The following PPP3CB variants were observed in gnomAD, a reference collection of about 807,000 sequenced individuals.
PPP3CB encodes serine/threonine-protein phosphatase 2B catalytic subunit beta isoform.
PPP3CB carries 8 observed loss-of-function variants against 66.4 expected under a neutral mutation model. The observed-to-expected ratio is 0.12, with a 90% CI of 0.07 to 0.22. The LOEUF (loss-of-function observed/expected upper bound fraction) is 0.22. Among genes scored for constraint, PPP3CB ranks in the 10% least tolerant of loss-of-function variants. The pLI is 1.00. For missense variants in PPP3CB, 319 were observed against 642.5 expected (o/e 0.50, Z 5.44); for synonymous variants, 208 against 221.2 (o/e 0.94, Z 0.53).
rs571444778 is a variant in PPP3CB at position 73,438,615 on chromosome 10, C to G, written c.1397-195G>C. On this transcript the variant is annotated intron_variant, in intron 13 of 13. Transcript: ENST00000360663. ...AATGTTTAAACCTAAATATAAACAT[C>G]ATAGCTTTATAGGTGACAAGTGTTA... Among the ~76,000 whole-genome samples, 205 of 152,260 alleles carry G rather than the reference C, an allele frequency of 1.3e-3. 1 individual carries two copies. The highest frequency in any genetic ancestry group is 3.7e-4 in the Non-Finnish European group (25 of 68,018).
At chr10:73,494,373 T>C (rs1384824909) in intron 1 of PPP3CB, among the ~76,000 whole-genome samples, 2 of 152,134 alleles carry the variant, frequency 1.3e-5, no homozygotes, top group Non-Finnish European at 2.9e-5. Flanking sequence ...CTGCAACTTC[T>C]GCCTCTCGGG....
In PPP3CB at chr10:73,471,531, T is replaced by A; in HGVS notation, c.606A>T (p.Gln202His). The A allele has an allele frequency of 6.2e-7, 1 of 1,612,942 alleles. No individual in the cohort carries two copies. Among genetic ancestry groups the A allele is most frequent in the East Asian group, 2.2e-5 (1 of 44,792 alleles). Residue 202 changes from glutamine (Q) to histidine (H), a missense_variant, in exon 5 of 14, where the codon CAA becomes CAT. Transcript: ENST00000360663. ...GTCCACCATGAACACAAAGAAACTG[T>A]TGGTTTAAAAGTGCAGCAAGAGGCA... ...DSLPLAALLN[Q>H]QFLCVHGGLS... is the part of the protein sequence containing the mutation.
chr10:73,487,579 A>C (rs1308972498), intron 1 of PPP3CB, among the ~76,000 whole-genome samples: 4 of 151,160 alleles, frequency 2.6e-5, no homozygotes, highest in Non-Finnish European at 5.9e-5. Context: ...AAAAAAAAAA[A>C]AAAAACAAAC....
chr10:73,456,886 A>G (rs1671425553), intron 9 of PPP3CB, among the ~76,000 whole-genome samples: 1 of 152,196 alleles, frequency 6.6e-6, no homozygotes, highest in African/African-American at 2.4e-5. Flanking sequence ...AAAATACCAT[A>G]TACCATATGA....
intron 12 of PPP3CB, chr10:73,443,966 C>T (rs1353277507): frequency 6.6e-6 from 1 of 152,238 alleles, no homozygotes; most frequent in Non-Finnish European, 1.5e-5. Flanking sequence ...AACCTCAAAA[C>T]AAGGTGCTAC....
intron 13 of PPP3CB, among the ~76,000 whole-genome samples, chr10:73,438,654 A>C (rs1264435501): frequency 2.0e-5 from 3 of 152,154 alleles, no homozygotes; most frequent in African/African-American, 7.2e-5. Context: ...AAGCCTTCCA[A>C]AAAATAAAAA....
intron 9 of PPP3CB, among the ~76,000 whole-genome samples, chr10:73,462,124 G>C (rs531638356): frequency 6.9e-6 from 1 of 145,232 alleles, no homozygotes; most frequent in Admixed American, 7.0e-5. Flanking sequence ...AGAACCACGA[G>C]CCAATTAAAC....
chr10:73,495,205 G>T (rs971176517), intron 1 of PPP3CB, among the ~76,000 whole-genome samples: 7 of 152,092 alleles, frequency 4.6e-5, no homozygotes, highest in African/African-American at 1.7e-4. Context: ...CACTATAAAG[G>T]CTGGCCTTCC....
chr10:73,458,509 T>C (rs905892768), intron 9 of PPP3CB, among the ~76,000 whole-genome samples: 1 of 152,002 alleles, frequency 6.6e-6, no homozygotes, highest in Non-Finnish European at 1.5e-5. Context: ...TTTGAAAATA[T>C]ATTCATCCTC....
At chr10:73,448,560 G>C (rs190600154) in intron 10 of PPP3CB, 1 of 505,296 alleles carries the variant, frequency 2.0e-6, no homozygotes, top group East Asian at 5.5e-5. Context: ...AGGCCCAAGA[G>C]GACTCTGCAT....
Position 73,484,067 on chromosome 10 carries a change from G to C in PPP3CB, c.86-4550C>G, listed in dbSNP as rs1405294100. ...TGAGGCACAAGAATCGCTTGAACCT[G>C]GTGGGGTGGAGGTTGTAGTGAGCTG... On this transcript the variant is annotated intron_variant, in intron 1 of 13. Coordinates refer to ENST00000360663, the MANE Select transcript of PPP3CB (RefSeq NM_021132.4). 2.6e-5 allele frequency among the ~76,000 whole-genome samples: 4 copies of C among 151,914 alleles called. No homozygotes were observed. In the South Asian group the frequency reaches 8.3e-4, roughly 32 times the overall value.
Position 73,438,146 on chromosome 10 carries a change from T to C in PPP3CB, c.*96A>G, listed in dbSNP as rs2056094810. 1 of 1,232,010 alleles carries C rather than the reference T, an allele frequency of 8.1e-7. No homozygotes were observed. Among genetic ancestry groups the C allele is most frequent in the Admixed American group, 2.5e-5 (1 of 40,746 alleles). 76.3% of individuals were successfully genotyped at this position (1,232,010 alleles called of 1,614,324 possible). A position where few individuals can be genotyped will look rare whatever the true frequency, so the allele number is the denominator to read the frequency against. ...AGCACAATGGTTTCTTCAGAGAGAC[T>C]GTGAAATTTACAGTCAGCTTGGCCG... On this transcript the variant is annotated 3_prime_UTR_variant, in exon 14 of 14. Coordinates refer to ENST00000360663, the MANE Select transcript of PPP3CB (RefSeq NM_021132.4).
intron 9 of PPP3CB, among the ~76,000 whole-genome samples, chr10:73,464,144 G>C (rs1338974547): frequency 6.6e-6 from 1 of 152,012 alleles, no homozygotes; most frequent in Non-Finnish European, 1.5e-5. Flanking sequence ...TGGCCAGGTG[G>C]GTCTTGAACT....
chr10:73,485,907 A>ATT lies in PPP3CB; in HGVS notation c.86-6392_86-6391dup, dbSNP rs1175312104. On this transcript the variant is annotated intron_variant, in intron 1 of 13. Coordinates refer to ENST00000360663, the MANE Select transcript of PPP3CB (RefSeq NM_021132.4). ...AGGCACACACCACCACACCTGGCTA[A>ATT]TTGTGTGTGTGTGTGTGTGTGTGTG... is the stretch of plus-strand genomic sequence containing the variant. 2.5e-4 allele frequency among the ~76,000 whole-genome samples: 19 copies of ATT among 75,454 alleles called. No homozygotes were observed. In the South Asian group the frequency reaches 8.8e-3, roughly 35 times the overall value. The allele number at this position is 75,454 out of a possible 152,430, so 49.5% of individuals were successfully genotyped here.
At chr10:73,467,299 A>G in intron 9 of PPP3CB, 1 of 215,022 alleles carries the variant, frequency 4.7e-6, no homozygotes, top group Non-Finnish European at 9.1e-6. Flanking sequence ...AAAAAAAAAG[A>G]AAATCCAACA....
intron 1 of PPP3CB, among the ~76,000 whole-genome samples, chr10:73,493,699 T>C (rs1387952367): frequency 6.6e-6 from 1 of 152,172 alleles, no homozygotes; most frequent in Admixed American, 6.6e-5. Flanking sequence ...AAATGAAAGT[T>C]GTCTCTATGA....
At chr10:73,461,259 C>G (rs761225671) in intron 9 of PPP3CB, among the ~76,000 whole-genome samples, 1 of 152,098 alleles carries the variant, frequency 6.6e-6, no homozygotes, top group East Asian at 1.9e-4. Context: ...CCAACCTGGC[C>G]AACATAGTGA....
intron 1 of PPP3CB, among the ~76,000 whole-genome samples, chr10:73,482,313 G>A (rs2056892238): frequency 6.6e-6 from 1 of 151,768 alleles, no homozygotes. Context: ...GGAAGGCCAA[G>A]ACGGGCAGAT....
chr10:73,450,504 C>T (rs2056327320), intron 10 of PPP3CB, among the ~76,000 whole-genome samples: 1 of 152,202 alleles, frequency 6.6e-6, no homozygotes, highest in East Asian at 1.9e-4. Context: ...TCAAACCATT[C>T]CCATTTCTCC....
Sources: gnomAD v4.1 joint callset for allele counts (sites outside exome capture counted in the v4.1 genomes callset) on GRCh38, gnomAD v4.1.1 for gene constraint, MANE v1.5 for transcripts, NCBI Gene and HGNC (gene_info 2026-07-23, HGNC 2026-07-21) for gene names.